Variants in TTC39B observed in about 807,000 individuals in gnomAD.
TTC39B encodes the protein tetratricopeptide repeat domain 39B, also known as tetratricopeptide repeat protein 39B.
A neutral mutation model predicts 96.6 loss-of-function variants in TTC39B; 92 were observed. The ratio of observed to expected loss-of-function variants is 0.95; its 90% CI spans 0.80 to 1.13. The LOEUF is 1.13. Among genes scored for constraint, TTC39B ranks in the 50% most tolerant of loss-of-function variants. The probability of loss-of-function intolerance (pLI) is 0.00; values close to 1 mark genes in which losing one functional copy is unlikely to be tolerated. For synonymous variants in TTC39B, 367 were observed against 299.4 expected (o/e 1.23, Z -2.33); for missense variants, 955 against 809.3 (o/e 1.18, Z -2.18).
chr9:15,173,725 A>G (rs140442781), intron 19 of TTC39B, among the ~76,000 whole-genome samples: 52 of 152,258 alleles, frequency 3.4e-4, no homozygotes, highest in African/African-American at 1.3e-3. Flanking sequence ...TTTAAATATT[A>G]CTGTCTCTGT....
intron 14 of TTC39B, among the ~76,000 whole-genome samples, 159 bp from the exon 15 acceptor site, chr9:15,187,194 C>T (rs1818577005): frequency 6.6e-6 from 1 of 152,102 alleles, no homozygotes; most frequent in Non-Finnish European, 1.5e-5. Flanking sequence ...AAAATGACAA[C>T]AACTCTTTTC....
At chr9:15,212,789 C>T (rs914607102) in intron 4 of TTC39B, among the ~76,000 whole-genome samples, 12 of 152,148 alleles carry the variant, frequency 7.9e-5, no homozygotes, top group Admixed American at 7.9e-4. Flanking sequence ...TATTTTCATT[C>T]CATGTTATGA....
rs116333764 is a variant in TTC39B, at chr9:15,179,871, C to G, written c.1724-2057G>C. ...CGAACTTGAGTTAGGCATACGGCGA[C>G]TGGGTTCAAAAATACTATATTCCTC... On this transcript the variant is annotated intron_variant, in intron 17 of 19. Coordinates refer to ENST00000512701, the Ensembl canonical transcript of TTC39B. Among the ~76,000 whole-genome samples, 936 of 152,300 alleles carry G rather than the reference C, an allele frequency of 6.1e-3. 10 individuals are homozygous for G. Among genetic ancestry groups the G allele is most frequent in the African/African-American group, 0.021 (881 of 41,570 alleles).
chr9:15,211,524 T>C (rs749194009), intron 4 of TTC39B, 127 bp from the exon 5 acceptor site: 19 of 868,568 alleles, frequency 2.2e-5, no homozygotes, highest in Non-Finnish European at 2.8e-5. Context: ...ACTGAAATTA[T>C]ATGGGTGGTG....
At chr9:15,195,354 T>G (rs1179962140) in intron 8 of TTC39B, among the ~76,000 whole-genome samples, 1 of 152,010 alleles carries the variant, frequency 6.6e-6, no homozygotes, top group African/African-American at 2.4e-5. Context: ...TTCATGAATT[T>G]AAGGAAAGAC....
intron 1 of TTC39B, among the ~76,000 whole-genome samples, chr9:15,276,012 T>A (rs929516620): frequency 1.3e-5 from 2 of 152,228 alleles, no homozygotes; most frequent in Non-Finnish European, 2.9e-5. Flanking sequence ...CATGGAACCA[T>A]GACTGACTAA....
chr9:15,199,734 C>CAAAAAAAAAAAAA lies in TTC39B; in HGVS notation c.824+114_824+126dup, dbSNP rs35361396. 1.6e-4 allele frequency: 11 copies of CAAAAAAAAAAAAA among 70,692 alleles called. 4 individuals are homozygous for CAAAAAAAAAAAAA. The highest frequency in any genetic ancestry group is 5.0e-4 in the African/African-American group (4 of 7,990). The allele number at this position is 70,692 out of a possible 1,614,324, so 4.4% of individuals were successfully genotyped here. A position where few individuals can be genotyped will look rare whatever the true frequency, so the allele number is the denominator to read the frequency against. ...TGGGTGACAGAGTGAGACTCCGTCT[C>CAAAAAAAAAAAAA]AAAAAAAAAAAAAAAAAAAAAAAAA... is the stretch of plus-strand genomic sequence containing the variant. On this transcript the variant is annotated intron_variant, in intron 8 of 19. Transcript: ENST00000512701.
intron 3 of TTC39B, 43 bp from the exon 4 acceptor site, chr9:15,214,292 C>A: frequency 3.4e-6 from 5 of 1,449,590 alleles, no homozygotes; most frequent in Non-Finnish European, 4.8e-6. Flanking sequence ...TATAGCTTTA[C>A]GATCAGCAAG....
intron 1 of TTC39B, 25 bp from the exon 2 acceptor site, chr9:15,267,973 A>G: frequency 1.9e-6 from 3 of 1,606,020 alleles, no homozygotes; most frequent in Non-Finnish European, 2.5e-6. Context: ...AAATACAATG[A>G]GTTTCTCAAG....
chr9:15,191,396 C>G (rs2118800043), intron 9 of TTC39B, 141 bp from the exon 10 acceptor site: 1 of 604,730 alleles, frequency 1.7e-6, no homozygotes, highest in South Asian at 2.3e-5. Flanking sequence ...TTTCTGTTAC[C>G]ACATACTGTA....
chr9:15,179,607 T>C (rs1818140827), intron 17 of TTC39B, among the ~76,000 whole-genome samples: 1 of 152,198 alleles, frequency 6.6e-6, no homozygotes, highest in Admixed American at 6.5e-5. Flanking sequence ...TCACGGATGT[T>C]AAAACAGACA....
In TTC39B at chr9:15,187,926, A is replaced by G. The variant is rs1192492673; in HGVS notation, c.1395+45T>C. The G allele has an allele frequency of 3.2e-5, 49 of 1,518,358 alleles. 1 individual carries two copies. The highest frequency in any genetic ancestry group is 4.2e-5 in the Non-Finnish European group (48 of 1,130,802). The allele number at this position is 1,518,358 out of a possible 1,614,324, so 94.1% of individuals were successfully genotyped here. ...GTCCTAAATGAAAATCATCCTGGCC[A>G]TGTATTAGCAAACAGATGACATTAA... On this transcript the variant is annotated intron_variant, in intron 14 of 19. Coordinates refer to ENST00000512701, the Ensembl canonical transcript of TTC39B.
Position 15,202,852 on chromosome 9 carries a change from T to C in TTC39B, c.759+971A>G, listed in dbSNP as rs112805817. ...TCACTGTAGCCATCACTACCACCCA[T>C]GAAGCCATTATGTGAAAGTTTATGT... On this transcript the variant is annotated intron_variant, in intron 7 of 19. Coordinates refer to ENST00000512701, the Ensembl canonical transcript of TTC39B. Among the ~76,000 whole-genome samples the C allele has an allele frequency of 9.2e-3, 1,403 of 152,126 alleles. 30 individuals are homozygous for C. Among genetic ancestry groups the C allele is most frequent in the African/African-American group, 0.031 (1,307 of 41,500 alleles).
At chr9:15,183,415 C>T (rs1169948882) in intron 16 of TTC39B, 2 of 384,052 alleles carry the variant, frequency 5.2e-6, no homozygotes, top group Non-Finnish European at 1.0e-5. Context: ...AGGGCAAGCT[C>T]ATATCTGAGA....
At chr9:15,269,729 C>T in intron 1 of TTC39B, among the ~76,000 whole-genome samples, 1 of 151,488 alleles carries the variant, frequency 6.6e-6, no homozygotes. Context: ...GTGACATGCA[C>T]CTGTAATCCC....
chr9:15,295,468 A>G (rs577106702), intron 1 of TTC39B, among the ~76,000 whole-genome samples: 1 of 152,340 alleles, frequency 6.6e-6, no homozygotes, highest in South Asian at 2.1e-4. Flanking sequence ...TCTGTGCCTA[A>G]GCCAGCTGAG....
At chr9:15,170,648 G>C (rs928642282) in exon 20 of TTC39B, 2 of 152,086 alleles carry the variant, frequency 1.3e-5, no homozygotes, top group African/African-American at 4.8e-5. Context: ...ATGAACTCGT[G>C]ACTCCCAATA....
chr9:15,274,226 A>G (rs1430834850), intron 1 of TTC39B, among the ~76,000 whole-genome samples: 2 of 152,220 alleles, frequency 1.3e-5, no homozygotes, highest in Non-Finnish European at 1.5e-5. Context: ...AAAAATATAT[A>G]CGTACCCTGA....
intron 2 of TTC39B, among the ~76,000 whole-genome samples, chr9:15,253,318 C>A (rs1051900607): frequency 2.6e-5 from 4 of 152,070 alleles, no homozygotes; most frequent in African/African-American, 9.7e-5. Flanking sequence ...GGTGGTGGGA[C>A]CATGGAAGGA....
Sources: allele counts gnomAD v4.1 joint callset (sites outside exome capture counted in the v4.1 genomes callset), GRCh38; gene constraint gnomAD v4.1.1; transcripts MANE v1.5; gene names NCBI Gene and HGNC (gene_info 2026-07-23, HGNC 2026-07-21).